AGBL1: variants seen among roughly 807,000 people sequenced by gnomAD.
The protein encoded by AGBL1 is cytosolic carboxypeptidase 4.
Under a neutral mutation model 118.9 loss-of-function variants are expected in AGBL1, and 130 were observed. The observed-to-expected ratio is 1.09, with a 90% CI of 0.95 to 1.26. AGBL1 has a LOEUF of 1.26. Among genes scored for constraint, AGBL1 ranks in the 50% most tolerant of loss-of-function variants. The pLI, the probability that AGBL1 is intolerant of heterozygous loss-of-function variation, is 0.00. For missense variants in AGBL1, 1,584 were observed against 1,298.1 expected, an observed-to-expected ratio of 1.22 and a Z score of -3.38; for synonymous variants, 555 against 478.9, an observed-to-expected ratio of 1.16 and a Z score of -2.08.
intron 21 of AGBL1, among the ~76,000 whole-genome samples, chr15:86,656,791 A>C (rs1049503114): frequency 2.0e-5 from 3 of 152,100 alleles, no homozygotes; most frequent in East Asian, 1.9e-4. Context: ...AAATGTACTC[A>C]GTGGCTCTTT....
chr15:86,215,698 G>T (rs2078176968), intron 5 of AGBL1, among the ~76,000 whole-genome samples: 1 of 152,186 alleles, frequency 6.6e-6, no homozygotes, highest in African/African-American at 2.4e-5. Flanking sequence ...GTTATGAGAA[G>T]TAACTGAGCT....
chr15:86,417,793 T>C (rs998231688), intron 18 of AGBL1, among the ~76,000 whole-genome samples: 1 of 152,190 alleles, frequency 6.6e-6, no homozygotes, highest in Non-Finnish European at 1.5e-5. Flanking sequence ...TATCTAAGTT[T>C]TTATTATGAT....
chr15:86,955,844 C>T (rs1410002812), intron 23 of AGBL1, among the ~76,000 whole-genome samples: 5 of 151,874 alleles, frequency 3.3e-5, no homozygotes, highest in Admixed American at 1.3e-4. Flanking sequence ...TTAGGAGATA[C>T]GACTTTATAT....
intron 17 of AGBL1, among the ~76,000 whole-genome samples, chr15:86,305,926 A>G (rs573772489): frequency 3.4e-4 from 52 of 152,146 alleles, no homozygotes; most frequent in African/African-American, 1.3e-3. Context: ...GTAAGAGATT[A>G]TTTTCTTCCA....
chr15:86,107,301 T>C (rs1377807497), intron 1 of AGBL1, among the ~76,000 whole-genome samples: 1 of 152,246 alleles, frequency 6.6e-6, no homozygotes, highest in South Asian at 2.1e-4. Flanking sequence ...TTAATTTTCA[T>C]ATGTAGTGGC....
chr15:86,173,579 T>TCA, intron 5 of AGBL1, among the ~76,000 whole-genome samples: 1 of 152,294 alleles, frequency 6.6e-6, no homozygotes, highest in East Asian at 1.9e-4. Context: ...GTTTTGGGTT[T>TCA]TATATTTAAG....
At chr15:86,329,975 T>A (rs931359759) in intron 17 of AGBL1, among the ~76,000 whole-genome samples, 1 of 152,320 alleles carries the variant, frequency 6.6e-6, no homozygotes, top group Admixed American at 6.5e-5. Context: ...GCAGAGGACT[T>A]GGAGCCTAGG....
intron 24 of AGBL1, among the ~76,000 whole-genome samples, chr15:87,023,909 T>C (rs1207103449): frequency 8.6e-5 from 13 of 151,884 alleles, no homozygotes; most frequent in Non-Finnish European, 8.8e-5. Context: ...TAAACCAAAA[T>C]GAAAATTAAA....
rs928214589 is a variant in AGBL1, at chr15:86,396,243, G to GTGTA, written c.2375-1122_2375-1121insGTAT. ...TATATATATGTGTGTGTGTGTGTGT[G>GTGTA]TATATATATATATATATATACACAC... On this transcript the variant is annotated intron_variant, in intron 17 of 22. Transcript: ENST00000614907. Among the ~76,000 whole-genome samples, 25 of 126,624 alleles carry GTGTA rather than the reference G, an allele frequency of 2.0e-4. 1 individual carries two copies. Among genetic ancestry groups the GTGTA allele is most frequent in the Admixed American group, 6.8e-4 (9 of 13,162 alleles). The allele number at this position is 126,624 out of a possible 152,430, so 83.1% of individuals were successfully genotyped here.
At chr15:86,542,097 G>C (rs150593608) in intron 19 of AGBL1, among the ~76,000 whole-genome samples, 1 of 152,172 alleles carries the variant, frequency 6.6e-6, no homozygotes, top group East Asian at 1.9e-4. Flanking sequence ...TTAATTGGGT[G>C]GTTGAATGAA....
At chr15:86,142,255 C>G (rs11856150) in intron 2 of AGBL1, among the ~76,000 whole-genome samples, 188 bp downstream of exon 2, 6,985 of 152,230 alleles carry the variant, frequency 0.046, 526 homozygotes, top group African/African-American at 0.16. Flanking sequence ...TTTGTACTTG[C>G]ACTCCTCAGT....
chr15:86,844,111 T>C (rs772209213), intron 22 of AGBL1, among the ~76,000 whole-genome samples: 26 of 152,196 alleles, frequency 1.7e-4, no homozygotes, highest in Non-Finnish European at 5.9e-5. Context: ...GGGTATACCA[T>C]ATTTTGTTTA....
Position 86,189,731 on chromosome 15 carries a change from G to A in AGBL1, c.488+30705G>A, listed in dbSNP as rs554441152. Among the ~76,000 whole-genome samples, 30 of 152,258 alleles carry A rather than the reference G, an allele frequency of 2.0e-4. No homozygotes were observed. The East Asian group carries it at 2.1e-3, about 11-fold the overall frequency. On this transcript the variant is annotated intron_variant, in intron 5 of 22. Coordinates refer to ENST00000614907, the MANE Select transcript of AGBL1 (RefSeq NM_001386094.1). ...GAAGCCCTCACCAGAAGCAGATGCC[G>A]GTGCTGTGCTTCTGCAGAACCATGA...
intron 21 of AGBL1, among the ~76,000 whole-genome samples, chr15:86,587,479 G>A (rs2084268272): frequency 6.6e-6 from 1 of 152,098 alleles, no homozygotes; most frequent in Admixed American, 6.5e-5. Context: ...TCATGGAGGG[G>A]CTTGTGTTGG....
At chr15:86,161,025 C>G (rs887501962) in intron 5 of AGBL1, among the ~76,000 whole-genome samples, 1 of 152,172 alleles carries the variant, frequency 6.6e-6, no homozygotes, top group African/African-American at 2.4e-5. Context: ...TTCTTTTCCT[C>G]CTGCAAAGGG....
chr15:86,893,368 G>C (rs533885530), intron 22 of AGBL1, among the ~76,000 whole-genome samples: 1 of 152,148 alleles, frequency 6.6e-6, no homozygotes, highest in Non-Finnish European at 1.5e-5. Context: ...GCAAAACTGC[G>C]TTTAAATCAC....
chr15:86,664,803 G>A (rs2085613183), intron 21 of AGBL1, among the ~76,000 whole-genome samples: 1 of 151,726 alleles, frequency 6.6e-6, no homozygotes, highest in Admixed American at 6.6e-5. Flanking sequence ...ATTTATAAAA[G>A]TTAATTTTAA....
intron 19 of AGBL1, among the ~76,000 whole-genome samples, chr15:86,540,973 A>G (rs1567047644): frequency 6.6e-6 from 1 of 152,128 alleles, no homozygotes; most frequent in East Asian, 1.9e-4. Flanking sequence ...AAGAAAAGCT[A>G]TTTTCTCCAG....
chr15:87,027,928 G>A (rs2081749935), intron 24 of AGBL1, among the ~76,000 whole-genome samples: 2 of 151,848 alleles, frequency 1.3e-5, no homozygotes, highest in Admixed American at 1.3e-4. Context: ...AATAACTAAT[G>A]GCTGCTGAGC....
Sources: allele counts gnomAD v4.1 joint callset (sites outside exome capture counted in the v4.1 genomes callset), GRCh38; gene constraint gnomAD v4.1.1; transcripts MANE v1.5; gene names NCBI Gene and HGNC (gene_info 2026-07-23, HGNC 2026-07-21).